Variants in TRIM65 observed in about 807,000 individuals in gnomAD.
TRIM65 encodes the protein E3 ubiquitin-protein ligase TRIM65.
Under a neutral mutation model 36.1 loss-of-function variants are expected in TRIM65, and 46 were observed. The ratio of observed to expected loss-of-function variants is 1.27; its 90% confidence interval spans 1.01 to 1.63. The LOEUF is 1.63. Among genes scored for constraint, TRIM65 ranks in the 40% most tolerant of loss-of-function variants. The probability of loss-of-function intolerance (pLI) is 0.00; values close to 1 mark genes in which losing one functional copy is unlikely to be tolerated. For missense variants in TRIM65, 708 were observed against 696.6 expected (o/e 1.02, Z -0.18); for synonymous variants, 346 against 313.6 (o/e 1.10, Z -1.09).
At chr17:75,885,734 G>T (rs1225449412), downstream of TRIM65, among the ~76,000 whole-genome samples, 1 of 152,148 alleles carries the variant, frequency 6.6e-6, no homozygotes, top group East Asian at 1.9e-4. Context: ...GTCTCTGTTC[G>T]GGCTTCATCC....
At chr17:75,896,402 C>G (rs1310745634) in intron 1 of TRIM65, 122 bp downstream of exon 1, 14 of 1,217,588 alleles carry the variant, frequency 1.1e-5, no homozygotes, top group Non-Finnish European at 1.4e-5. Flanking sequence ...AAGCCCCTTA[C>G]AGATGAGGCT....
At chr17:75,892,984 C>T in intron 1 of TRIM65, 134 bp from the exon 2 acceptor site, 1 of 744,576 alleles carries the variant, frequency 1.3e-6, no homozygotes, top group Non-Finnish European at 2.2e-6. Flanking sequence ...GCCTCCAGAG[C>T]ACCGGCCTCG....
At chr17:75,891,765 C>T in intron 5 of TRIM65, 48 bp downstream of exon 5, 1 of 1,573,956 alleles carries the variant, frequency 6.4e-7, no homozygotes, top group Non-Finnish European at 8.6e-7. Flanking sequence ...CAGGCACTTC[C>T]TTGCACACGC....
Position 75,892,018 on chromosome 17 carries a change from G to A in TRIM65, c.912C>T (p.Ala304=). 8 of 1,552,392 alleles carry A rather than the reference G, an allele frequency of 5.2e-6. No individual in the cohort carries two copies. Among genetic ancestry groups the A allele is most frequent in the Non-Finnish European group, 7.0e-6 (8 of 1,147,282 alleles). Residue 304 remains alanine, a synonymous_variant, in exon 4 of 6, where the codon GCC becomes GCT. Coordinates refer to ENST00000269383, the MANE Select transcript of TRIM65 (RefSeq NM_173547.4). ...GCCTGGGGTCAGTCTTACCCACGGG[G>A]GCTAAGTCCACAGGCTTGGCTGGTG... ...PGAPAKPVDL[A]PVEAPGPLAP...
chr17:75,884,304 A>G (rs1182433286), downstream of TRIM65, among the ~76,000 whole-genome samples: 1 of 148,654 alleles, frequency 6.7e-6, no homozygotes, highest in East Asian at 2.0e-4. Context: ...CTAAAAATAC[A>G]AAAAATTAGC....
In TRIM65 at chr17:75,891,364, G is replaced by A; in HGVS notation, c.986-17C>T. The A allele has an allele frequency of 6.2e-7, 1 of 1,612,268 alleles. No homozygotes were observed. On this transcript the variant is annotated splice_polypyrimidine_tract_variant and intron_variant, in intron 5 of 5. Coordinates refer to ENST00000269383, the MANE Select transcript of TRIM65 (RefSeq NM_173547.4). The stretch of plus-strand genomic sequence containing the variant: ...TGCGATAATCTGTTGGGGAAAGGAG[G>A]ACAGCAGTGGGCTGGGGGAAGACAG...
chr17:75,890,868 A>G lies in TRIM65; in HGVS notation c.1465T>C (p.Phe489Leu), dbSNP rs1052179145. The part of the protein sequence containing the change: ...ALFNQPLTPV[F>L]WLLEGRTLTL... Reference sequence around the variant, plus strand: ...AGGGTCCTACCCTCGAGGAGCCAGAAGACGGGGGTGAGGGGCTGGTTGAAG... The same window carrying G: ...AGGGTCCTACCCTCGAGGAGCCAGAGGACGGGGGTGAGGGGCTGGTTGAAG... The change falls in exon 6 of 6, where the codon TTC (phenylalanine) becomes CTC (leucine). Residue 489 changes from phenylalanine (F) to leucine (L), a missense_variant. Transcript: ENST00000269383. 5.2e-6 allele frequency: 8 copies of G among 1,528,764 alleles called. No individual in the cohort carries two copies. In the African/African-American group the frequency reaches 1.1e-4, roughly 21 times the overall value. 94.7% of individuals were successfully genotyped at this position (1,528,764 alleles called of 1,614,324 possible).
rs998342953 is a variant in TRIM65 at position 75,889,796 on chromosome 17, A to G, written c.*983T>C. On this transcript the variant is annotated 3_prime_UTR_variant, in exon 6 of 6. Coordinates refer to ENST00000269383, the MANE Select transcript of TRIM65 (RefSeq NM_173547.4). ...GTGGCCAAACATCCCACTCAGAAATATTCATCATAAGCCAGGCGTGGTGGC... is the reference window on the plus strand; with the variant it reads ...GTGGCCAAACATCCCACTCAGAAATGTTCATCATAAGCCAGGCGTGGTGGC... 1 of 152,178 alleles carries G rather than the reference A, an allele frequency of 6.6e-6. No homozygotes were observed. Among genetic ancestry groups the G allele is most frequent in the Admixed American group, 6.6e-5 (1 of 15,262 alleles). 9.4% of individuals were successfully genotyped at this position (152,178 alleles called of 1,614,324 possible).
intron 1 of TRIM65, among the ~76,000 whole-genome samples, chr17:75,893,848 C>T (rs899393192): frequency 1.3e-5 from 2 of 152,102 alleles, no homozygotes; most frequent in African/African-American, 4.8e-5. Context: ...CCTGGTGCTA[C>T]TGGCTGCCCC....
At chr17:75,895,488 C>T (rs189310664) in intron 1 of TRIM65, among the ~76,000 whole-genome samples, 2 of 152,192 alleles carry the variant, frequency 1.3e-5, no homozygotes, top group Admixed American at 1.3e-4. Flanking sequence ...CAGGGCCTGG[C>T]CCACAGATCT....
rs1467114143 is a variant in TRIM65, at chr17:75,896,796, G to C, written c.142C>G (p.Pro48Ala). ...DWWDRCGKAC[P>A]ECREPFPDGA... ...TCGGGAAAGGGCTCCCGGCACTCGG[G>C]GCACGCCTTTCCGCAGCGGTCCCAC... The change falls in exon 1 of 6, where the codon CCC becomes GCC. Residue 48 changes from proline (P) to alanine (A), a missense_variant. Pro to Ala is a conservative substitution (Grantham distance 27). Transcript: ENST00000269383. The C allele has an allele frequency of 6.6e-7, 1 of 1,509,894 alleles. No homozygotes were observed. Among genetic ancestry groups the C allele is most frequent in the South Asian group, 1.2e-5 (1 of 81,060 alleles). The allele number at this position is 1,509,894 out of a possible 1,614,324, so 93.5% of individuals were successfully genotyped here. A position where few individuals can be genotyped will look rare whatever the true frequency, so the allele number is the denominator to read the frequency against.
intron 1 of TRIM65, among the ~76,000 whole-genome samples, chr17:75,895,627 A>G (rs370834654): frequency 1.3e-5 from 2 of 151,870 alleles, no homozygotes; most frequent in African/African-American, 4.8e-5. Flanking sequence ...CGCTTCCTCA[A>G]TCCTCACATG....
In TRIM65 at chr17:75,888,997, C is replaced by T. The variant is rs1419930325; in HGVS notation, c.*1782G>A. The T allele has an allele frequency of 1.3e-5, 2 of 151,614 alleles. No individual in the cohort carries two copies. The highest frequency in any genetic ancestry group is 2.9e-5 in the Non-Finnish European group (2 of 67,946). The allele number at this position is 151,614 out of a possible 1,614,324, so 9.4% of individuals were successfully genotyped here. A position where few individuals can be genotyped will look rare whatever the true frequency, so the allele number is the denominator to read the frequency against. ...AAAGTTTTATTGTGAAATATTTATCCATGAGTACATATAACATAGATGTCC... is the reference window on the plus strand; with the variant it reads ...AAAGTTTTATTGTGAAATATTTATCTATGAGTACATATAACATAGATGTCC... On this transcript the variant is annotated 3_prime_UTR_variant, in exon 6 of 6. Coordinates refer to ENST00000269383, the MANE Select transcript of TRIM65 (RefSeq NM_173547.4).
rs571079882 is a variant in TRIM65, at chr17:75,883,185, C to T, written c.350-2556G>A. ...CAGCTGGAGTGCAGTGGCTTACTCTCGGCTCACTGCAACTGCCGCCTCCTG... is the reference window on the plus strand; with the variant it reads ...CAGCTGGAGTGCAGTGGCTTACTCTTGGCTCACTGCAACTGCCGCCTCCTG... On this transcript the variant is annotated intron_variant, in intron 4 of 4. Coordinates refer to the TRIM65 transcript ENST00000591668. 8.1e-4 allele frequency among the ~76,000 whole-genome samples: 119 copies of T among 147,336 alleles called. 1 individual carries two copies. Among genetic ancestry groups the T allele is most frequent in the Non-Finnish European group, 1.5e-3 (101 of 67,636 alleles).
chr17:75,892,960 G>A (rs1177235651), intron 1 of TRIM65, 110 bp from the exon 2 acceptor site: 19 of 875,424 alleles, frequency 2.2e-5, no homozygotes, highest in Middle Eastern at 2.3e-4. Context: ...CCCTCCCCAC[G>A]CCACCCCAGG....
Position 75,892,865 on chromosome 17 carries a change from C to G in TRIM65, c.415-15G>C. 6.3e-7 allele frequency: 1 copy of G among 1,599,538 alleles called. No homozygotes were observed. Among genetic ancestry groups the G allele is most frequent in the African/African-American group, 1.3e-5 (1 of 75,048 alleles). Reference sequence around the variant, plus strand: ...CTCAGCTGGGCCTGTGGTGCGGGCCCACGGGACAAGCAACAAGAGAAGGCC... The same window carrying G: ...CTCAGCTGGGCCTGTGGTGCGGGCCGACGGGACAAGCAACAAGAGAAGGCC... On this transcript the variant is annotated splice_polypyrimidine_tract_variant and intron_variant, in intron 1 of 5. Transcript: ENST00000269383.
At chr17:75,891,473 C>A in intron 5 of TRIM65, 126 bp from the exon 6 acceptor site, 1 of 1,033,194 alleles carries the variant, frequency 9.7e-7, no homozygotes, top group Non-Finnish European at 1.4e-6. Context: ...TTAATCCTCG[C>A]CACGACCTCG....
chr17:75,886,251 G>A (rs541265290), downstream of TRIM65, among the ~76,000 whole-genome samples: 268 of 152,156 alleles, frequency 1.8e-3, 1 homozygote, highest in Middle Eastern at 6.8e-3. Flanking sequence ...GGCTAGGCGC[G>A]GTGGCTCACA....
rs773776983 is a variant in TRIM65 at position 75,892,782 on chromosome 17, C to T, written c.483G>A (p.Glu161=). ...QATQAEGQLL[E]LRKQSSQIQN... is the part of the protein sequence containing the mutation. ...GGATCTGGCTGCTTTGCTTGCGCAG[C>T]TCTAGTAGCTGGCCTTCGGCCTGGG... The change falls in exon 2 of 6, where the codon GAG becomes GAA. Residue 161 remains glutamate, a synonymous_variant. Coordinates refer to ENST00000269383, the MANE Select transcript of TRIM65 (RefSeq NM_173547.4). 4 of 1,604,474 alleles carry T rather than the reference C, an allele frequency of 2.5e-6. No homozygotes were observed. Among genetic ancestry groups the T allele is most frequent in the Non-Finnish European group, 3.4e-6 (4 of 1,179,918 alleles).
Sources: allele counts gnomAD v4.1 joint callset (sites outside exome capture counted in the v4.1 genomes callset), GRCh38; gene constraint gnomAD v4.1.1; transcripts MANE v1.5; gene names NCBI Gene and HGNC (gene_info 2026-07-23, HGNC 2026-07-21).